Variants in MYO5B observed in about 807,000 individuals in gnomAD.
MYO5B encodes myosin VB, also known as unconventional myosin-Vb.
MYO5B carries 143 observed loss-of-function variants against 229.3 expected under a neutral mutation model. The ratio of observed to expected loss-of-function variants is 0.62; its 90% CI spans 0.54 to 0.72. The LOEUF (loss-of-function observed/expected upper bound fraction) is 0.72. Ranked by LOEUF, MYO5B falls within the 30% of genes least tolerant of loss-of-function variation. MYO5B has a pLI of 0.00. For missense variants in MYO5B, 2,321 were observed against 2,331.0 expected, an observed-to-expected ratio of 1.00 and a Z score of 0.09; for synonymous variants, 918 against 885.2, an observed-to-expected ratio of 1.04 and a Z score of -0.66.
chr18:49,965,703 C>T (rs2025617284), intron 10 of MYO5B, among the ~76,000 whole-genome samples: 1 of 152,166 alleles, frequency 6.6e-6, no homozygotes, highest in African/African-American at 2.4e-5. Flanking sequence ...AGTCGGTAGG[C>T]AGAGGCAGTG....
chr18:50,188,369 C>T (rs2033177905), intron 1 of MYO5B, among the ~76,000 whole-genome samples: 1 of 152,162 alleles, frequency 6.6e-6, no homozygotes, highest in Non-Finnish European at 1.5e-5. Flanking sequence ...ATGCCTGTAA[C>T]TTGTAGAGGA....
chr18:49,908,987 C>A (rs536003980), intron 18 of MYO5B, among the ~76,000 whole-genome samples: 1 of 152,208 alleles, frequency 6.6e-6, no homozygotes, highest in Admixed American at 6.5e-5. Context: ...ACGAAGCAGC[C>A]CCCAGCCCCA....
chr18:49,828,861 G>A (rs1381690866), intron 39 of MYO5B, among the ~76,000 whole-genome samples: 1 of 151,852 alleles, frequency 6.6e-6, no homozygotes, highest in Non-Finnish European at 1.5e-5. Context: ...AAAGCTTATG[G>A]GATGGGATAA....
chr18:49,896,739 G>A lies in MYO5B; in HGVS notation c.2812-1565C>T, dbSNP rs548195067. On this transcript the variant is annotated intron_variant, in intron 21 of 39. Coordinates refer to ENST00000285039, the MANE Select transcript of MYO5B (RefSeq NM_001080467.3). ...TCAGGACTCTAATGCGAAGTATGATGTATCCAGGAGGCCCAGCTGCATTGA... is the reference window on the plus strand; with the variant it reads ...TCAGGACTCTAATGCGAAGTATGATATATCCAGGAGGCCCAGCTGCATTGA... Among the ~76,000 whole-genome samples, 176 of 152,258 alleles carry A rather than the reference G, an allele frequency of 1.2e-3. 1 individual carries two copies. The highest frequency in any genetic ancestry group is 3.4e-3 in the Middle Eastern group (1 of 294).
At chr18:49,844,785 T>C (rs1392044535) in intron 33 of MYO5B, among the ~76,000 whole-genome samples, 1 of 152,246 alleles carries the variant, frequency 6.6e-6, no homozygotes, top group East Asian at 1.9e-4. Context: ...CATGTGCAGA[T>C]TGCAAACAAC....
At position 50,043,614 on chromosome 18, in the gene MYO5B, A is replaced by G. The variant is rs961503652; in HGVS notation, c.139-3300T>C. ...TTTATAAGTATATAAATATATAAAT[A>G]TATATAAATATATAAATATATTAAA... On this transcript the variant is annotated intron_variant, in intron 2 of 39. Transcript: ENST00000285039. 3.3e-4 allele frequency among the ~76,000 whole-genome samples: 44 copies of G among 132,016 alleles called. 1 individual carries two copies. The highest frequency in any genetic ancestry group is 9.4e-4 in the Admixed American group (11 of 11,748). The allele number at this position is 132,016 out of a possible 152,430, so 86.6% of individuals were successfully genotyped here.
intron 1 of MYO5B, among the ~76,000 whole-genome samples, 171 bp from the exon 2 acceptor site, chr18:50,055,549 GAAC>G (rs1246998147): frequency 7.9e-5 from 12 of 152,284 alleles, no homozygotes; most frequent in African/African-American, 2.6e-4. Flanking sequence ...GATAACAGGG[GAAC>G]AACTCACAGG....
At chr18:50,151,493 A>AG (rs1213107868) in intron 1 of MYO5B, among the ~76,000 whole-genome samples, 1 of 152,176 alleles carries the variant, frequency 6.6e-6, no homozygotes, top group African/African-American at 2.4e-5. Context: ...CTTCTTGGAT[A>AG]GGGGTGGGCT....
At chr18:50,021,717 G>A (rs1284643219) in intron 4 of MYO5B, among the ~76,000 whole-genome samples, 1 of 5,346 alleles carries the variant, frequency 1.9e-4, no homozygotes, top group Non-Finnish European at 6.2e-4. Flanking sequence ...TCCCATCTGC[G>A]TAAAAAAAAA....
At chr18:50,035,551 C>T (rs1193931631) in intron 4 of MYO5B, among the ~76,000 whole-genome samples, 1 of 152,166 alleles carries the variant, frequency 6.6e-6, no homozygotes. Flanking sequence ...GAAACTCATG[C>T]GCAGGCTGCA....
chr18:49,829,569 A>G (rs77444236), intron 39 of MYO5B, among the ~76,000 whole-genome samples: 1 of 152,338 alleles, frequency 6.6e-6, no homozygotes, highest in African/African-American at 2.4e-5. Flanking sequence ...CCTAAAAATC[A>G]AAGAGGAAGG....
At chr18:50,057,222 T>C (rs2030571932) in intron 1 of MYO5B, among the ~76,000 whole-genome samples, 1 of 152,226 alleles carries the variant, frequency 6.6e-6, no homozygotes. Context: ...CCAGCTGTGA[T>C]GACCTTTAAA....
intron 9 of MYO5B, among the ~76,000 whole-genome samples, chr18:49,975,879 T>C (rs142031187): frequency 2.4e-3 from 358 of 152,278 alleles, no homozygotes; most frequent in African/African-American, 8.1e-3. Flanking sequence ...GTCTTGACCC[T>C]CATTTACCCA....
At chr18:49,943,971 A>G (rs2025343846) in intron 14 of MYO5B, among the ~76,000 whole-genome samples, 1 of 152,138 alleles carries the variant, frequency 6.6e-6, no homozygotes. Flanking sequence ...CCTATGAAGG[A>G]GCTCTGTGCA....
chr18:50,000,059 T>C (rs190054818), intron 5 of MYO5B, among the ~76,000 whole-genome samples: 2 of 152,348 alleles, frequency 1.3e-5, no homozygotes, highest in African/African-American at 4.8e-5. Flanking sequence ...GTCCTCAAAG[T>C]AACGCAACTC....
chr18:49,858,617 G>A (rs976990882), intron 29 of MYO5B, among the ~76,000 whole-genome samples: 3 of 152,222 alleles, frequency 2.0e-5, no homozygotes, highest in African/African-American at 7.2e-5. Flanking sequence ...TCTCTAGGGT[G>A]GGGCACGCGA....
At chr18:50,175,637 T>A (rs2032984514) in intron 1 of MYO5B, among the ~76,000 whole-genome samples, 2 of 152,238 alleles carry the variant, frequency 1.3e-5, no homozygotes, top group Admixed American at 6.5e-5. Context: ...TAATTTTATA[T>A]CCTCCACAAT....
intron 1 of MYO5B, among the ~76,000 whole-genome samples, chr18:50,117,782 C>T (rs146109049): frequency 1.3e-5 from 2 of 152,264 alleles, no homozygotes; most frequent in African/African-American, 4.8e-5. Flanking sequence ...AAACATCCCT[C>T]CTCTCTCAGA....
chr18:49,897,265 C>T (rs2024789213), intron 21 of MYO5B, among the ~76,000 whole-genome samples: 1 of 152,114 alleles, frequency 6.6e-6, no homozygotes, highest in Non-Finnish European at 1.5e-5. Flanking sequence ...GCATGGGGTG[C>T]CCACACCCTC....
Sources: allele counts gnomAD v4.1 joint callset (sites outside exome capture counted in the v4.1 genomes callset), GRCh38; gene constraint gnomAD v4.1.1; transcripts MANE v1.5; gene names NCBI Gene and HGNC (gene_info 2026-07-23, HGNC 2026-07-21).